CYB5R4: variants seen among roughly 807,000 people sequenced by gnomAD.
CYB5R4 encodes the protein N-terminal cytochrome b5 and cytochrome b5 oxidoreductase domain-containing protein.
A neutral mutation model predicts 70.2 loss-of-function variants in CYB5R4; 55 were observed. That is an observed-to-expected ratio of 0.78 (90% CI 0.63 to 0.98). The LOEUF (loss-of-function observed/expected upper bound fraction) is 0.98, where lower values mean the gene tolerates loss of function less well. CYB5R4 is among the 50% of genes least tolerant of loss of function. The pLI is 0.00. For synonymous variants in CYB5R4, 197 were observed against 199.5 expected (o/e 0.99, Z 0.11); for missense variants, 562 against 612.6 (o/e 0.92, Z 0.87).
At chr6:83,869,172 AT>A (rs2099457188) in intron 2 of CYB5R4, among the ~76,000 whole-genome samples, 1 of 152,194 alleles carries the variant, frequency 6.6e-6, no homozygotes, top group African/African-American at 2.4e-5. Context: ...TTTCATAACT[AT>A]TTTTTAAAAC....
chr6:83,917,688 T>C (rs867563767), intron 5 of CYB5R4, among the ~76,000 whole-genome samples: 1 of 152,140 alleles, frequency 6.6e-6, no homozygotes, highest in African/African-American at 2.4e-5. Context: ...AAAGAGAACA[T>C]GTGTTATCAT....
Position 83,955,448 on chromosome 6 carries a change from A to C in CYB5R4, c.1497A>C (p.Thr499=). 1 of 1,613,738 alleles carries C rather than the reference A, an allele frequency of 6.2e-7. No homozygotes were observed. Among genetic ancestry groups the C allele is most frequent in the Non-Finnish European group, 8.5e-7 (1 of 1,179,748 alleles). Residue 499 remains threonine, a synonymous_variant, in exon 15 of 16, where the codon ACA becomes ACC. Coordinates refer to ENST00000369681, the MANE Select transcript of CYB5R4 (RefSeq NM_016230.4). ...LVCICGPVPF[T]EQGVRLLHDL... ...GCATTTGTGGACCAGTGCCATTTAC[A>C]GAACAAGGAGTAAGGTGAGTAACAG...
chr6:83,886,209 C>T (rs1487323598), intron 2 of CYB5R4, among the ~76,000 whole-genome samples: 2 of 152,070 alleles, frequency 1.3e-5, no homozygotes, highest in Admixed American at 6.6e-5. Context: ...TTCCTCTTTT[C>T]ATAAAGCCAC....
chr6:83,949,025 T>C (rs1470722905), intron 14 of CYB5R4, among the ~76,000 whole-genome samples: 1 of 151,932 alleles, frequency 6.6e-6, no homozygotes, highest in African/African-American at 2.4e-5. Flanking sequence ...CTCCCTAACC[T>C]CTTTCTGGAG....
intron 2 of CYB5R4, among the ~76,000 whole-genome samples, chr6:83,887,373 G>A (rs776246483): frequency 1.4e-4 from 21 of 152,118 alleles, no homozygotes; most frequent in African/African-American, 5.1e-4. Context: ...GTACTAAATG[G>A]TAATTTTAAA....
At chr6:83,893,785 A>G (rs779964949) in intron 3 of CYB5R4, among the ~76,000 whole-genome samples, 163 bp downstream of exon 3, 2 of 152,158 alleles carry the variant, frequency 1.3e-5, no homozygotes, top group Non-Finnish European at 1.5e-5. Flanking sequence ...TGTTCATTTA[A>G]TTTGCCCTTT....
chr6:83,910,393 T>A (rs2099464489), intron 4 of CYB5R4: 3 of 420,760 alleles, frequency 7.1e-6, no homozygotes, highest in Admixed American at 7.6e-5. Flanking sequence ...GAAGTGGGCT[T>A]TACTAGACAG....
intron 13 of CYB5R4, 110 bp from the exon 14 acceptor site, chr6:83,940,405 T>A: frequency 8.8e-7 from 1 of 1,134,324 alleles, no homozygotes; most frequent in South Asian, 1.7e-5. Context: ...TGATTTTTAG[T>A]TACCTACTGG....
chr6:83,955,133 G>A lies in CYB5R4; in HGVS notation c.1347-165G>A, dbSNP rs215965. Among the ~76,000 whole-genome samples, 459 of 152,002 alleles carry A rather than the reference G, an allele frequency of 3.0e-3. 3 individuals carry two copies. Among genetic ancestry groups the A allele is most frequent in the Non-Finnish European group, 5.0e-3 (341 of 67,972 alleles). On this transcript the variant is annotated intron_variant, in intron 14 of 15. Transcript: ENST00000369681. ...TTAGTAAATATAGATTTACCTATAC[G>A]TTTTTGTTAAATCTTACAATTTTTT...
At chr6:83,933,017 AAT>A in intron 10 of CYB5R4, among the ~76,000 whole-genome samples, 1 of 152,196 alleles carries the variant, frequency 6.6e-6, no homozygotes, top group Non-Finnish European at 1.5e-5. Flanking sequence ...TATAACGTTA[AAT>A]ATTTATACAT....
chr6:83,940,655 C>G, intron 14 of CYB5R4, 54 bp downstream of exon 14: 1 of 1,534,488 alleles, frequency 6.5e-7, no homozygotes, highest in Admixed American at 2.3e-5. Context: ...GGTAGTAAGT[C>G]TATGCCTTAT....
At chr6:83,876,135 G>A (rs1031456042) in intron 2 of CYB5R4, among the ~76,000 whole-genome samples, 11 of 152,116 alleles carry the variant, frequency 7.2e-5, no homozygotes, top group Non-Finnish European at 1.3e-4. Flanking sequence ...AAGAAACTTC[G>A]TTATTTCTGG....
Position 83,910,096 on chromosome 6 carries a change from A to T in CYB5R4, c.412+1006A>T, listed in dbSNP as rs753304667. ...AACTCTGGCACCTGTAGAGCTGAGG[A>T]TGGAGATAGACACCAGGACCTATAG... On this transcript the variant is annotated intron_variant, in intron 4 of 15. Transcript: ENST00000369681. 3 of 1,608,476 alleles carry T rather than the reference A, an allele frequency of 1.9e-6. No individual in the cohort carries two copies. The East Asian group carries it at 6.7e-5, about 36-fold the overall frequency.
chr6:83,942,892 G>A (rs573874752), intron 14 of CYB5R4, among the ~76,000 whole-genome samples: 8 of 152,244 alleles, frequency 5.3e-5, no homozygotes, highest in Middle Eastern at 3.4e-3. Context: ...GAAAAGCCAT[G>A]ATAGCCAGAC....
At chr6:83,903,120 A>G (rs1174511538) in intron 3 of CYB5R4, among the ~76,000 whole-genome samples, 1 of 152,010 alleles carries the variant, frequency 6.6e-6, no homozygotes, top group Non-Finnish European at 1.5e-5. Flanking sequence ...AAGGCTTTTA[A>G]CTTTTCCCAG....
intron 2 of CYB5R4, among the ~76,000 whole-genome samples, chr6:83,874,188 C>A (rs1178712472): frequency 2.7e-5 from 3 of 111,836 alleles, no homozygotes; most frequent in African/African-American, 1.0e-4. Flanking sequence ...CCCCTCCCTT[C>A]CCTTCCCTCT....
chr6:83,878,298 G>A (rs1158904051), intron 2 of CYB5R4, among the ~76,000 whole-genome samples: 2 of 151,562 alleles, frequency 1.3e-5, no homozygotes, highest in South Asian at 2.1e-4. Flanking sequence ...TTGTGTTGCT[G>A]TTTTCTCTTT....
At chr6:83,936,505 T>G in intron 12 of CYB5R4, 129 bp downstream of exon 12, 1 of 762,382 alleles carries the variant, frequency 1.3e-6, no homozygotes, top group South Asian at 1.8e-5. Context: ...AGTTATCTTC[T>G]CCTTGTCCTA....
At chr6:83,944,599 T>C (rs2099470272) in intron 14 of CYB5R4, among the ~76,000 whole-genome samples, 1 of 152,116 alleles carries the variant, frequency 6.6e-6, no homozygotes, top group Admixed American at 6.5e-5. Context: ...TAACCTTAAA[T>C]GTAAACGGGC....
Sources: allele counts gnomAD v4.1 joint callset (sites outside exome capture counted in the v4.1 genomes callset), GRCh38; gene constraint gnomAD v4.1.1; transcripts MANE v1.5; gene names NCBI Gene and HGNC (gene_info 2026-07-23, HGNC 2026-07-21).